The following ATM variants were observed in gnomAD, a reference collection of about 807,000 sequenced individuals.
The protein encoded by ATM is ATM serine/threonine kinase.
In ATM, 308 loss-of-function variants were observed where a neutral mutation model predicts 387.0. The ratio of observed to expected loss-of-function variants is 0.80; its 90% CI spans 0.73 to 0.87. The LOEUF (loss-of-function observed/expected upper bound fraction) is 0.87. Ranked by LOEUF, ATM falls within the 40% of genes least tolerant of loss-of-function variation. The pLI is 0.00. For synonymous variants in ATM, 1,156 were observed against 1,187.3 expected, an observed-to-expected ratio of 0.97 and a Z score of 0.54; for missense variants, 3,312 against 3,560.9, an observed-to-expected ratio of 0.93 and a Z score of 1.78.
chr11:108,336,040 T>C (rs2086816425), intron 56 of ATM, 79 bp downstream of exon 56: 2 of 1,103,390 alleles, frequency 1.8e-6, no homozygotes, highest in Non-Finnish European at 2.7e-6. Flanking sequence ...CTCATGCCCA[T>C]ATTCATAATG....
chr11:108,277,875 G>A (rs988137521), intron 22 of ATM, among the ~76,000 whole-genome samples: 1 of 152,048 alleles, frequency 6.6e-6, no homozygotes, highest in South Asian at 2.1e-4. Context: ...TTATGATAAC[G>A]TGAAACATAT....
chr11:108,271,472 G>A (rs1591605251), intron 20 of ATM, 66 bp downstream of exon 20: 6 of 1,560,052 alleles, frequency 3.8e-6, no homozygotes, highest in Non-Finnish European at 5.3e-6. Flanking sequence ...TGCAAGTTTT[G>A]TATCCACATC....
chr11:108,319,815 T>C, intron 43 of ATM, 139 bp from the exon 44 acceptor site: 1 of 653,734 alleles, frequency 1.5e-6, no homozygotes, highest in Non-Finnish European at 2.7e-6. Context: ...TTGTATTTCT[T>C]ACCAAAAATT....
At chr11:108,228,921 A>G (rs1401946671) in intron 3 of ATM, among the ~76,000 whole-genome samples, 1 of 152,232 alleles carries the variant, frequency 6.6e-6, no homozygotes, top group African/African-American at 2.4e-5. Flanking sequence ...TTTTAATGAC[A>G]AATTTAGAAA....
At chr11:108,301,169 T>C (rs2083411555) in intron 34 of ATM, among the ~76,000 whole-genome samples, 1 of 152,198 alleles carries the variant, frequency 6.6e-6, no homozygotes, top group African/African-American at 2.4e-5. Context: ...CATTTCATAG[T>C]AATTCGAAAT....
At chr11:108,334,248 C>T (rs567252962) in intron 54 of ATM, among the ~76,000 whole-genome samples, 4 of 152,072 alleles carry the variant, frequency 2.6e-5, no homozygotes, top group Non-Finnish European at 5.9e-5. Context: ...GGAGAGTTTC[C>T]GTGTGCTTAT....
In ATM at chr11:108,256,328, C is replaced by T. The variant is rs786203595; in HGVS notation, c.2238C>T (p.Phe746=). The T allele has an allele frequency of 3.7e-6, 6 of 1,609,738 alleles. No homozygotes were observed. The highest frequency in any genetic ancestry group is 4.2e-6 in the Non-Finnish European group (5 of 1,177,296). ...AGGAAGCATATAAGTCAGAATTATT[C>T]CAGAAAGCCAAGGTAGGAGAATTTA... The part of the protein sequence containing the change: ...AEEEAYKSEL[F]QKAKSLMQCA... The change falls in exon 14 of 63, where the codon TTC becomes TTT. Residue 746 remains phenylalanine (F), a synonymous_variant. Coordinates refer to ENST00000675843, the MANE Select transcript of ATM (RefSeq NM_000051.4).
chr11:108,271,187 A>G (rs2081557130), intron 19 of ATM, 41 bp downstream of exon 19: 3 of 1,613,172 alleles, frequency 1.9e-6, no homozygotes, highest in African/African-American at 1.3e-5. Context: ...CTTTAAAGTT[A>G]TAAAATAACT....
rs770377706 is a variant in ATM at position 108,252,855 on chromosome 11, G to C, written c.1841G>C (p.Ser614Thr). 2.9e-5 allele frequency: 46 copies of C among 1,613,038 alleles called. No homozygotes were observed. The highest frequency in any genetic ancestry group is 3.8e-5 in the Non-Finnish European group (45 of 1,179,378). ...CTTGTACTGGAGAAAATTCTTGTGA[G>C]TCTCACTATGAAAAACTGTAAAGCT... is the stretch of plus-strand genomic sequence containing the variant. ...PHLVLEKILV[S>T]LTMKNCKAAM... Residue 614 changes from serine to threonine, a missense_variant, in exon 12 of 63, where the codon AGT becomes ACT. By Grantham distance (58) the Ser-to-Thr change is moderately conservative. This residue lies in a region of ATM where 1,791 missense variants were observed against 1,804.5 expected (regional missense o/e 0.99). Coordinates refer to ENST00000675843, the MANE Select transcript of ATM (RefSeq NM_000051.4).
intron 34 of ATM, among the ~76,000 whole-genome samples, chr11:108,300,605 C>G (rs2083378155): frequency 6.6e-6 from 1 of 152,148 alleles, no homozygotes; most frequent in Non-Finnish European, 1.5e-5. Flanking sequence ...AAATGATTGG[C>G]AATAATGTCT....
At chr11:108,344,247 G>A (rs1301662853) in intron 57 of ATM, among the ~76,000 whole-genome samples, 1 of 152,170 alleles carries the variant, frequency 6.6e-6, no homozygotes, top group Non-Finnish European at 1.5e-5. Flanking sequence ...TCTGCCTGGG[G>A]TGGGGAGAAT....
At chr11:108,265,890 TC>T (rs1283304127) in intron 16 of ATM, among the ~76,000 whole-genome samples, 3 of 140,670 alleles carry the variant, frequency 2.1e-5, no homozygotes, top group African/African-American at 7.9e-5. Flanking sequence ...AAAATGCTCA[TC>T]ATCACTGGCC....
At chr11:108,321,504 CG>C in intron 45 of ATM, 84 bp downstream of exon 45, 1 of 1,585,954 alleles carries the variant, frequency 6.3e-7, no homozygotes, top group Non-Finnish European at 8.6e-7. Context: ...AACTATAGGC[CG>C]GGCACGGTGG....
chr11:108,224,354 T>A (rs757888688), intron 1 of ATM: 3 of 152,202 alleles, frequency 2.0e-5, no homozygotes, highest in Non-Finnish European at 2.9e-5. Context: ...CATTGTCAAG[T>A]TGTGCAAAGG....
In ATM at chr11:108,316,109, T is replaced by C. The variant is rs372838622; in HGVS notation, c.6194T>C (p.Ile2065Thr). ...IPSSTRQAGI[I>T]QALQNLGLCH... ...TCATCAACACGCCAGGCAGGAATCA[T>C]TCAGGTACATTTTTTCCCAGATTTG... Residue 2065 changes from isoleucine (I) to threonine (T), a missense_variant, in exon 42 of 63, where the codon ATT becomes ACT. Transcript: ENST00000675843. The C allele has an allele frequency of 2.0e-5, 32 of 1,613,760 alleles. No individual in the cohort carries two copies. In the African/African-American group the frequency reaches 3.5e-4, roughly 17 times the overall value.
chr11:108,316,964 C>T (rs1326514133), intron 42 of ATM, among the ~76,000 whole-genome samples: 1 of 151,806 alleles, frequency 6.6e-6, no homozygotes, highest in Non-Finnish European at 1.5e-5. Flanking sequence ...GATAAGGTGT[C>T]ACCCTGTTAC....
chr11:108,321,629 A>G (rs1484907198), intron 45 of ATM, among the ~76,000 whole-genome samples: 2 of 152,142 alleles, frequency 1.3e-5, no homozygotes, highest in East Asian at 3.9e-4. Flanking sequence ...CTAAAAATAC[A>G]AAAATTAGCC....
intron 31 of ATM, among the ~76,000 whole-genome samples, chr11:108,293,945 G>A (rs2135822743): frequency 6.9e-6 from 1 of 144,686 alleles, no homozygotes; most frequent in Admixed American, 7.0e-5. Flanking sequence ...ACACATACTT[G>A]TGTGTGTGTA....
At chr11:108,239,619 C>A (rs2079460625) in intron 5 of ATM, among the ~76,000 whole-genome samples, 2 of 152,184 alleles carry the variant, frequency 1.3e-5, no homozygotes, top group Admixed American at 6.5e-5. Context: ...TATACATCTC[C>A]TGAGTTTCCT....
Sources: gnomAD v4.1 joint callset for allele counts (sites outside exome capture counted in the v4.1 genomes callset) on GRCh38, gnomAD v4.1.1 for gene constraint, gnomAD v4.1.1 regional missense constraint, MANE v1.5 for transcripts, NCBI Gene and HGNC (gene_info 2026-07-23, HGNC 2026-07-21) for gene names.